The following RASGRP1 variants were observed in gnomAD, a reference collection of about 807,000 sequenced individuals.
The protein encoded by RASGRP1 is RAS guanyl-releasing protein 1.
Under a neutral mutation model 95.1 loss-of-function variants are expected in RASGRP1, and 37 were observed. The observed-to-expected ratio is 0.39, with a 90% CI of 0.30 to 0.51. The LOEUF (loss-of-function observed/expected upper bound fraction) is 0.51, where lower values mean the gene tolerates loss of function less well. RASGRP1 is among the 20% of genes least tolerant of loss of function. The probability of loss-of-function intolerance (pLI) is 0.80; values close to 1 mark genes in which losing one functional copy is unlikely to be tolerated. For synonymous variants in RASGRP1, 325 were observed against 353.4 expected, an observed-to-expected ratio of 0.92 and a Z score of 0.90; for missense variants, 711 against 965.4, an observed-to-expected ratio of 0.74 and a Z score of 3.49.
intron 2 of RASGRP1, among the ~76,000 whole-genome samples, chr15:38,544,866 A>G (rs1417840499): frequency 6.6e-6 from 1 of 152,228 alleles, no homozygotes; most frequent in African/African-American, 2.4e-5. Flanking sequence ...TTTATCCACA[A>G]TCACATGTCT....
intron 12 of RASGRP1, among the ~76,000 whole-genome samples, chr15:38,501,771 A>G (rs1365181525): frequency 6.6e-6 from 1 of 152,212 alleles, no homozygotes; most frequent in Non-Finnish European, 1.5e-5. Flanking sequence ...TGTAATGACA[A>G]AGCAAGAAGG....
chr15:38,553,701 C>T (rs763395816), intron 2 of RASGRP1, among the ~76,000 whole-genome samples: 3 of 152,174 alleles, frequency 2.0e-5, no homozygotes, highest in African/African-American at 4.8e-5. Context: ...AACAGACAGG[C>T]GTGCTGTACA....
At chr15:38,542,846 TATGTGTATATATATAC>T (rs1268649330) in intron 2 of RASGRP1, among the ~76,000 whole-genome samples, 1,972 of 126,590 alleles carry the variant, frequency 0.016, 55 homozygotes, top group African/African-American at 0.058. Flanking sequence ...TATATATATA[TATGTGTATATATATAC>T]ACATATATGT....
intron 2 of RASGRP1, among the ~76,000 whole-genome samples, chr15:38,537,729 T>C (rs1333212499): frequency 6.6e-6 from 1 of 152,136 alleles, no homozygotes; most frequent in Non-Finnish European, 1.5e-5. Flanking sequence ...AACATGAGAT[T>C]TGGGCAGGAA....
chr15:38,501,194 G>A lies in RASGRP1; in HGVS notation c.1632C>T (p.Phe544=), dbSNP rs375261237. The A allele has an allele frequency of 1.7e-4, 275 of 1,613,136 alleles. 1 individual carries two copies. Among genetic ancestry groups the A allele is most frequent in the Non-Finnish European group, 2.2e-4 (260 of 1,179,410 alleles). ...SKLGLGFPHN[F]QETTYLKPTF... is the part of the protein sequence containing the mutation. ...TGGGCTTCAGGTAGGTGGTCTCTTG[G>A]AAGTTGTGAGGAAAGCCCAGGCCCA... Residue 544 remains phenylalanine (F), a synonymous_variant, in exon 13 of 17, where the codon TTC becomes TTT. Transcript: ENST00000310803.
rs1288167206 is a variant in RASGRP1, at chr15:38,508,087, G to A, written c.967-86C>T. 4 of 1,429,354 alleles carry A rather than the reference G, an allele frequency of 2.8e-6. No homozygotes were observed. In the African/African-American group the frequency reaches 5.7e-5, roughly 20 times the overall value. The allele number at this position is 1,429,354 out of a possible 1,614,324, so 88.5% of individuals were successfully genotyped here. On this transcript the variant is annotated intron_variant, in intron 8 of 16. Transcript: ENST00000310803. Reference sequence around the variant, plus strand: ...AGGACCTTGCATGTTTGCATCCTGTGCCATGATCTCACCCCATCCAGAATT... The same window carrying A: ...AGGACCTTGCATGTTTGCATCCTGTACCATGATCTCACCCCATCCAGAATT...
intron 15 of RASGRP1, among the ~76,000 whole-genome samples, chr15:38,496,580 A>G (rs913069381): frequency 6.6e-6 from 1 of 152,178 alleles, no homozygotes; most frequent in Non-Finnish European, 1.5e-5. Context: ...GTACAGGCCT[A>G]TTTTTCACAA....
intron 15 of RASGRP1, among the ~76,000 whole-genome samples, chr15:38,497,391 CT>C (rs34772920): frequency 0.2 from 29,261 of 148,550 alleles, 3,120 homozygotes; most frequent in Non-Finnish European, 0.25. Flanking sequence ...GCCTTAACAC[CT>C]TTTTTTTTTT....
In RASGRP1 at chr15:38,494,486, C is replaced by A. The variant is rs757614705; in HGVS notation, c.2155G>T (p.Val719Phe). ...CACTTGACAAAAGCCCGCTTTCTGA[C>A]CAAGACTGGGCTAGGACATGGAGAG... ...PTSPCPSPVL[V>F]RKRAFVKWEN... Residue 719 changes from valine to phenylalanine, a missense_variant, in exon 16 of 17, where the codon GTC becomes TTC. Coordinates refer to ENST00000310803, the MANE Select transcript of RASGRP1 (RefSeq NM_005739.4). The A allele has an allele frequency of 6.2e-7, 1 of 1,608,956 alleles. No homozygotes were observed. The highest frequency in any genetic ancestry group is 1.1e-5 in the South Asian group (1 of 89,896).
intron 3 of RASGRP1, among the ~76,000 whole-genome samples, chr15:38,524,680 G>A (rs780643637): frequency 1.3e-5 from 2 of 152,162 alleles, no homozygotes; most frequent in African/African-American, 2.4e-5. Flanking sequence ...GATAGTGAGT[G>A]TAGACTATTT....
chr15:38,537,640 G>T (rs1193209648), intron 2 of RASGRP1, among the ~76,000 whole-genome samples: 1 of 152,062 alleles, frequency 6.6e-6, no homozygotes, highest in African/African-American at 2.4e-5. Flanking sequence ...CCAAGAGGAG[G>T]GTACTAAACC....
intron 2 of RASGRP1, among the ~76,000 whole-genome samples, chr15:38,548,661 A>G (rs1893199971): frequency 1.3e-5 from 2 of 152,216 alleles, no homozygotes; most frequent in African/African-American, 4.8e-5. Flanking sequence ...CAGCTGCAAC[A>G]ATGATCAGCA....
chr15:38,503,924 T>C (rs1271977902), intron 10 of RASGRP1: 5 of 167,324 alleles, frequency 3.0e-5, no homozygotes, highest in Non-Finnish European at 6.3e-5. Flanking sequence ...TACACAAACC[T>C]AGATGGTATA....
intron 6 of RASGRP1, among the ~76,000 whole-genome samples, chr15:38,514,998 G>A (rs1458571055): frequency 1.3e-5 from 2 of 152,340 alleles, no homozygotes; most frequent in African/African-American, 4.8e-5. Context: ...GCAGAGAATG[G>A]AGAGTTAATG....
chr15:38,502,254 A>G (rs899252304), intron 12 of RASGRP1, 58 bp downstream of exon 12: 19 of 1,253,364 alleles, frequency 1.5e-5, no homozygotes, highest in Non-Finnish European at 2.1e-5. Flanking sequence ...TGACATACCT[A>G]TAAACCTATT....
chr15:38,528,968 C>T (rs1392818912), intron 2 of RASGRP1, among the ~76,000 whole-genome samples: 4 of 152,204 alleles, frequency 2.6e-5, no homozygotes, highest in African/African-American at 9.6e-5. Context: ...CCAGAAATGG[C>T]ACCACCAACC....
At chr15:38,491,935 G>A (rs1365977524) in intron 16 of RASGRP1, among the ~76,000 whole-genome samples, 1 of 152,134 alleles carries the variant, frequency 6.6e-6, no homozygotes, top group Non-Finnish European at 1.5e-5. Flanking sequence ...CATGTAAAAT[G>A]TCAAGATTTG....
In RASGRP1 at chr15:38,542,367, C is replaced by T. The variant is rs78833907; in HGVS notation, c.221-15963G>A. 0.015 allele frequency among the ~76,000 whole-genome samples: 2,315 copies of T among 152,068 alleles called. 119 individuals carry two copies. In the East Asian group the frequency reaches 0.19, roughly 12 times the overall value. ...AACAAAACAACAAACAAAAAACCAC[C>T]AACGGAACTCAAAATAGATTCCAAG... On this transcript the variant is annotated intron_variant, in intron 2 of 16. Transcript: ENST00000310803.
chr15:38,547,216 C>T (rs867492419), intron 2 of RASGRP1, among the ~76,000 whole-genome samples: 1 of 152,174 alleles, frequency 6.6e-6, no homozygotes, highest in African/African-American at 2.4e-5. Context: ...TTTTTGACTT[C>T]GTAGCAGAGC....
Sources: gnomAD v4.1 joint callset for allele counts (sites outside exome capture counted in the v4.1 genomes callset) on GRCh38, gnomAD v4.1.1 for gene constraint, MANE v1.5 for transcripts, NCBI Gene and HGNC (gene_info 2026-07-23, HGNC 2026-07-21) for gene names.